SCAF8: variants seen among roughly 807,000 people sequenced by gnomAD.
SCAF8 encodes the protein SR-related and CTD-associated factor 8.
A neutral mutation model predicts 140.5 loss-of-function variants in SCAF8; 23 were observed. That is an observed-to-expected ratio of 0.16 (90% confidence interval 0.12 to 0.23). The LOEUF (loss-of-function observed/expected upper bound fraction) is 0.23. Ranked by LOEUF, SCAF8 falls within the 10% of genes least tolerant of loss-of-function variation. The pLI is 1.00. For missense variants in SCAF8, 1,397 were observed against 1,555.7 expected (o/e 0.90, Z 1.72); for synonymous variants, 575 against 528.9 (o/e 1.09, Z -1.20).
chr6:154,768,239 C>T (rs558418795), intron 1 of SCAF8, among the ~76,000 whole-genome samples: 6 of 152,200 alleles, frequency 3.9e-5, no homozygotes, highest in African/African-American at 1.4e-4. Flanking sequence ...AGCAAGTCAG[C>T]GCTTTTCTTT....
At chr6:154,774,650 G>A (rs1372368002) in intron 2 of SCAF8, among the ~76,000 whole-genome samples, 3 of 151,788 alleles carry the variant, frequency 2.0e-5, no homozygotes, top group African/African-American at 7.3e-5. Context: ...TTTGAAAATA[G>A]GCCATTAAGG....
At chr6:154,739,886 T>C (rs573409888) in intron 1 of SCAF8, among the ~76,000 whole-genome samples, 1 of 152,178 alleles carries the variant, frequency 6.6e-6, no homozygotes, top group Non-Finnish European at 1.5e-5. Flanking sequence ...GTGGAAAAGG[T>C]AGAGGGAATA....
chr6:154,823,646 GTTC>G lies in SCAF8; in HGVS notation c.1927-585_1927-583del, dbSNP rs1160269952. 3.3e-5 allele frequency among the ~76,000 whole-genome samples: 5 copies of G among 152,256 alleles called. No individual in the cohort carries two copies. The East Asian group carries it at 9.6e-4, about 29-fold the overall frequency. On this transcript the variant is annotated intron_variant, in intron 16 of 19. Transcript: ENST00000367178. ...GAGACTGGGAAAGACTGTGAGAAGA[GTTC>G]TTTTGGGAAGGACGACTGGAAAATC...
intron 1 of SCAF8, among the ~76,000 whole-genome samples, chr6:154,753,490 T>G (rs1204632275): frequency 6.7e-6 from 1 of 150,338 alleles, no homozygotes; most frequent in Non-Finnish European, 1.5e-5. Flanking sequence ...AAAAAAAAAA[T>G]TAGCTGGACA....
intron 3 of SCAF8, among the ~76,000 whole-genome samples, chr6:154,784,120 G>GAGATATATATAT (rs1362230678): frequency 1.9e-5 from 2 of 106,882 alleles, no homozygotes; most frequent in African/African-American, 6.4e-5. Flanking sequence ...GGTGTCTTGA[G>GAGATATATATAT]ATATATATAT....
At chr6:154,734,819 G>C (rs1385290590) in intron 1 of SCAF8, among the ~76,000 whole-genome samples, 1 of 152,098 alleles carries the variant, frequency 6.6e-6, no homozygotes, top group African/African-American at 2.4e-5. Flanking sequence ...ATCCCTACCC[G>C]TACGCCTTGG....
At chr6:154,747,624 C>G (rs559830587) in intron 1 of SCAF8, among the ~76,000 whole-genome samples, 3 of 152,032 alleles carry the variant, frequency 2.0e-5, no homozygotes, top group Admixed American at 1.3e-4. Flanking sequence ...CTTAGAAACC[C>G]GAGAACTTGA....
At position 154,733,432 on chromosome 6, in the gene SCAF8, C is replaced by A; in HGVS notation, c.-469C>A. Reference sequence around the variant, plus strand: ...GAGTCCGCCATATTGGATGCCGCAGCCGCTGCTGCCAGCGCTTCCTCCTCT... The same window carrying A: ...GAGTCCGCCATATTGGATGCCGCAGACGCTGCTGCCAGCGCTTCCTCCTCT... On this transcript the variant is annotated 5_prime_UTR_variant, in exon 1 of 20. Transcript: ENST00000367178. 7.1e-7 allele frequency: 1 copy of A among 1,400,100 alleles called. No individual in the cohort carries two copies. The highest frequency in any genetic ancestry group is 9.3e-7 in the Non-Finnish European group (1 of 1,076,922). The allele number at this position is 1,400,100 out of a possible 1,614,324, so 86.7% of individuals were successfully genotyped here.
At chr6:154,824,482 C>A in intron 17 of SCAF8, 104 bp downstream of exon 17, 1 of 1,024,948 alleles carries the variant, frequency 9.8e-7, no homozygotes, top group Non-Finnish European at 1.4e-6. Flanking sequence ...GAGACCTTAG[C>A]ATGCATAGCC....
chr6:154,811,283 C>G (rs933795498), intron 12 of SCAF8, among the ~76,000 whole-genome samples: 2 of 152,080 alleles, frequency 1.3e-5, no homozygotes, highest in Admixed American at 6.6e-5. Context: ...ACCATTAAGA[C>G]GTTCAGAATT....
At chr6:154,771,719 A>T (rs1370912928) in intron 1 of SCAF8, among the ~76,000 whole-genome samples, 1 of 152,174 alleles carries the variant, frequency 6.6e-6, no homozygotes, top group Non-Finnish European at 1.5e-5. Context: ...GCAACAGTAG[A>T]TACTGGGGTC....
chr6:154,736,265 CTTTTT>C (rs71021071), intron 1 of SCAF8, among the ~76,000 whole-genome samples: 14 of 78,446 alleles, frequency 1.8e-4, no homozygotes, highest in Non-Finnish European at 2.3e-4. Flanking sequence ...CCATCCAAGA[CTTTTT>C]TTTTTTTTTT....
At position 154,829,735 on chromosome 6, in the gene SCAF8, C is replaced by T. The variant is rs563900268; in HGVS notation, c.2141-1187C>T. On this transcript the variant is annotated intron_variant, in intron 18 of 19. Transcript: ENST00000367178. ...CAGCCTGGCCAACATGGTGAAACCCCGTCTCCACTAAAAATACAGAAATTA... is the reference window on the plus strand; with the variant it reads ...CAGCCTGGCCAACATGGTGAAACCCTGTCTCCACTAAAAATACAGAAATTA... 2.4e-4 allele frequency among the ~76,000 whole-genome samples: 36 copies of T among 152,094 alleles called. No homozygotes were observed. In the East Asian group the frequency reaches 3.7e-3, roughly 16 times the overall value.
chr6:154,822,541 A>G, intron 16 of SCAF8, 132 bp downstream of exon 16: 1 of 918,662 alleles, frequency 1.1e-6, no homozygotes, highest in South Asian at 2.6e-5. Context: ...TGTTAGGGAA[A>G]AGAATATTTC....
chr6:154,816,836 T>C (rs1187785095), intron 13 of SCAF8, among the ~76,000 whole-genome samples: 1 of 152,232 alleles, frequency 6.6e-6, no homozygotes, highest in East Asian at 1.9e-4. Flanking sequence ...CTTTTGACTG[T>C]GTGTGATCTT....
chr6:154,829,644 T>TG (rs1198553084), intron 18 of SCAF8, among the ~76,000 whole-genome samples: 2 of 152,198 alleles, frequency 1.3e-5, no homozygotes, highest in Non-Finnish European at 2.9e-5. Context: ...TGGTGGCTGA[T>TG]GCCTGTAATC....
At chr6:154,751,515 A>G (rs1450065984) in intron 1 of SCAF8, among the ~76,000 whole-genome samples, 1 of 152,160 alleles carries the variant, frequency 6.6e-6, no homozygotes, top group Admixed American at 6.5e-5. Flanking sequence ...AGCATGAGCC[A>G]TCGCGCCCGG....
intron 13 of SCAF8, among the ~76,000 whole-genome samples, chr6:154,818,257 C>G (rs541985301): frequency 1.6e-4 from 24 of 152,056 alleles, no homozygotes; most frequent in Admixed American, 1.2e-3. Context: ...CTTATGATAC[C>G]TAATTGAGTT....
At chr6:154,756,810 T>A (rs1435850407) in intron 1 of SCAF8, among the ~76,000 whole-genome samples, 4 of 152,106 alleles carry the variant, frequency 2.6e-5, no homozygotes, top group Non-Finnish European at 5.9e-5. Flanking sequence ...GCGGATCGCT[T>A]GAGCCTCAGG....
Sources: gnomAD v4.1 joint callset for allele counts (sites outside exome capture counted in the v4.1 genomes callset) on GRCh38, gnomAD v4.1.1 for gene constraint, MANE v1.5 for transcripts, NCBI Gene and HGNC (gene_info 2026-07-23, HGNC 2026-07-21) for gene names.